LIMK2: variants seen among roughly 807,000 people sequenced by gnomAD.
LIMK2 encodes the protein LIM domain kinase 2.
A neutral mutation model predicts 75.7 loss-of-function variants in LIMK2; 35 were observed. The ratio of observed to expected loss-of-function variants is 0.46; its 90% CI spans 0.35 to 0.61. LIMK2 has a LOEUF of 0.61. LIMK2 is among the 20% of genes least tolerant of loss of function. The pLI, the probability that LIMK2 is intolerant of heterozygous loss-of-function variation, is 0.00. For synonymous variants in LIMK2, 301 were observed against 319.2 expected (o/e 0.94, Z 0.61); for missense variants, 623 against 831.0 (o/e 0.75, Z 3.08).
chr22:31,255,601 CAGAAGTAGT>C (rs2048770439), intron 2 of LIMK2, among the ~76,000 whole-genome samples: 1 of 152,176 alleles, frequency 6.6e-6, no homozygotes, highest in Admixed American at 6.5e-5. Flanking sequence ...CCGCAGTGCT[CAGAAGTAGT>C]AGAACTCACT....
At chr22:31,244,923 A>G (rs779769111) in intron 2 of LIMK2, among the ~76,000 whole-genome samples, 3 of 152,188 alleles carry the variant, frequency 2.0e-5, no homozygotes, top group Non-Finnish European at 4.4e-5. Context: ...TCCTGGCTTC[A>G]CTTCTCACAT....
At chr22:31,223,550 T>TA (rs1171481873) in intron 1 of LIMK2, among the ~76,000 whole-genome samples, 1 of 152,234 alleles carries the variant, frequency 6.6e-6, no homozygotes, top group Non-Finnish European at 1.5e-5. Flanking sequence ...TGAAAGCTCT[T>TA]ACATGTAAGA....
At chr22:31,268,611 G>A (rs1601440745) in intron 11 of LIMK2, among the ~76,000 whole-genome samples, 1 of 152,168 alleles carries the variant, frequency 6.6e-6, no homozygotes, top group East Asian at 1.9e-4. Context: ...TATTGGCAGA[G>A]AGGCACCAGG....
At chr22:31,216,809 A>ATCAG (rs2048392604) in intron 1 of LIMK2, among the ~76,000 whole-genome samples, 1 of 152,174 alleles carries the variant, frequency 6.6e-6, no homozygotes, top group Non-Finnish European at 1.5e-5. Context: ...TTGTTAGTGT[A>ATCAG]ACCTTGAGCG....
chr22:31,246,491 C>T (rs144115854), intron 2 of LIMK2, among the ~76,000 whole-genome samples: 4 of 152,072 alleles, frequency 2.6e-5, no homozygotes, highest in Non-Finnish European at 4.4e-5. Context: ...TGAGTGGCCA[C>T]GACAGTCTGT....
intron 7 of LIMK2, among the ~76,000 whole-genome samples, chr22:31,263,535 G>A (rs975576971): frequency 6.6e-6 from 1 of 152,136 alleles, no homozygotes; most frequent in Non-Finnish European, 1.5e-5. Flanking sequence ...CACATTCTTA[G>A]TATCACTAAG....
At chr22:31,250,545 TG>T (rs965945147) in intron 2 of LIMK2, among the ~76,000 whole-genome samples, 1 of 151,420 alleles carries the variant, frequency 6.6e-6, no homozygotes, top group African/African-American at 2.4e-5. Flanking sequence ...AGCTAGAGTC[TG>T]GGGGGTACTG....
At chr22:31,226,362 G>A (rs925954843) in intron 2 of LIMK2, among the ~76,000 whole-genome samples, 7 of 150,654 alleles carry the variant, frequency 4.6e-5, no homozygotes, top group South Asian at 2.1e-4. Flanking sequence ...GCCACCATGC[G>A]CAGCTAATTT....
intron 14 of LIMK2, among the ~76,000 whole-genome samples, chr22:31,273,845 A>C (rs980408903): frequency 6.6e-6 from 1 of 151,678 alleles, no homozygotes; most frequent in Admixed American, 6.6e-5. Context: ...CTACCGGCAC[A>C]CACCACCATG....
intron 12 of LIMK2, 60 bp from the exon 13 acceptor site, chr22:31,272,470 C>T: frequency 1.3e-6 from 2 of 1,508,676 alleles, no homozygotes; most frequent in East Asian, 2.3e-5. Context: ...TATGCTTCCT[C>T]CCCAGGGCCA....
intron 1 of LIMK2, among the ~76,000 whole-genome samples, chr22:31,225,451 G>T (rs939726333): frequency 6.6e-6 from 1 of 152,168 alleles, no homozygotes; most frequent in African/African-American, 2.4e-5. Context: ...TTTTGTTTCA[G>T]TAGAAAAAAG....
In LIMK2 at chr22:31,236,312, C is replaced by A. The variant is rs868534867; in HGVS notation, c.116+10493C>A. On this transcript the variant is annotated intron_variant, in intron 2 of 15. Coordinates refer to ENST00000331728, the MANE Select transcript of LIMK2 (RefSeq NM_005569.4). ...TCAGTCTAAAAAAAAAAAAAAAAAA[C>A]AAACTGGAGATACAGGCTGGGTGCA... Among the ~76,000 whole-genome samples the A allele has an allele frequency of 9.4e-3, 1,066 of 113,448 alleles. 8 individuals are homozygous for A. The highest frequency in any genetic ancestry group is 0.027 in the African/African-American group (727 of 26,894). 74.4% of individuals were successfully genotyped at this position (113,448 alleles called of 152,430 possible).
chr22:31,229,257 C>A (rs1943666815), intron 2 of LIMK2, among the ~76,000 whole-genome samples: 1 of 152,170 alleles, frequency 6.6e-6, no homozygotes, highest in African/African-American at 2.4e-5. Flanking sequence ...TGAGCTTTCC[C>A]CTGGTAAATT....
chr22:31,232,003 A>G (rs55997441), intron 2 of LIMK2, among the ~76,000 whole-genome samples: 6,172 of 152,000 alleles, frequency 0.041, 112 homozygotes, highest in Non-Finnish European at 0.051. Context: ...TTAAGTAGAA[A>G]CAAGGTCTTA....
At chr22:31,227,059 A>G (rs1417876072) in intron 2 of LIMK2, among the ~76,000 whole-genome samples, 1 of 152,252 alleles carries the variant, frequency 6.6e-6, no homozygotes, top group Non-Finnish European at 1.5e-5. Flanking sequence ...TAATATATGC[A>G]GTGTATCCAG....
At chr22:31,229,534 G>A (rs1025594074) in intron 2 of LIMK2, among the ~76,000 whole-genome samples, 2 of 152,062 alleles carry the variant, frequency 1.3e-5, no homozygotes, top group Non-Finnish European at 2.9e-5. Flanking sequence ...AGGCCTGCTG[G>A]GAGGAGGACT....
chr22:31,238,871 C>A (rs1392817464), intron 2 of LIMK2, among the ~76,000 whole-genome samples: 1 of 152,156 alleles, frequency 6.6e-6, no homozygotes, highest in African/African-American at 2.4e-5. Context: ...CTAGAGATTT[C>A]TTGAGATATC....
At chr22:31,243,172 T>G (rs1405362982) in intron 2 of LIMK2, among the ~76,000 whole-genome samples, 1 of 152,196 alleles carries the variant, frequency 6.6e-6, no homozygotes, top group Non-Finnish European at 1.5e-5. Context: ...TCTGCCTGCC[T>G]CAGCCTCCCA....
intron 2 of LIMK2, 26 bp downstream of exon 2, chr22:31,225,845 T>C: frequency 6.6e-7 from 1 of 1,513,512 alleles, no homozygotes; most frequent in Non-Finnish European, 9.2e-7. Flanking sequence ...CTCCCATCTT[T>C]ACCAGTGTAC....
Sources: allele counts gnomAD v4.1 joint callset (sites outside exome capture counted in the v4.1 genomes callset), GRCh38; gene constraint gnomAD v4.1.1; transcripts MANE v1.5; gene names NCBI Gene and HGNC (gene_info 2026-07-23, HGNC 2026-07-21).